Variants in MEGF9 observed in about 807,000 individuals in gnomAD.
The protein encoded by MEGF9 is multiple EGF like domains 9, also known as multiple epidermal growth factor-like domains protein 9.
Under a neutral mutation model 46.8 loss-of-function variants are expected in MEGF9, and 6 were observed. That is an observed-to-expected ratio of 0.13 (90% CI 0.07 to 0.25). MEGF9 has a LOEUF of 0.25. Among genes scored for constraint, MEGF9 ranks in the 10% least tolerant of loss-of-function variants. The probability of loss-of-function intolerance (pLI) is 1.00; values close to 1 mark genes in which losing one functional copy is unlikely to be tolerated. For missense variants in MEGF9, 683 were observed against 792.4 expected (o/e 0.86, Z 1.66); for synonymous variants, 302 against 330.7 (o/e 0.91, Z 0.94).
intron 3 of MEGF9, among the ~76,000 whole-genome samples, chr9:120,616,728 T>C (rs1209578640): frequency 1.3e-5 from 2 of 151,680 alleles, no homozygotes; most frequent in East Asian, 3.9e-4. Context: ...GTCAAATTTG[T>C]GTTCCATTTC....
chr9:120,697,832 A>C (rs549204332), intron 1 of MEGF9, among the ~76,000 whole-genome samples: 1 of 152,272 alleles, frequency 6.6e-6, no homozygotes, highest in East Asian at 1.9e-4. Context: ...CAGTGCTGAG[A>C]CAGAAAATGT....
intron 1 of MEGF9, among the ~76,000 whole-genome samples, chr9:120,701,145 T>A (rs1277018982): frequency 1.3e-5 from 2 of 151,140 alleles, no homozygotes; most frequent in East Asian, 3.9e-4. Context: ...AAAAACAATT[T>A]CCAAAATTAA....
At chr9:120,611,832 A>AAAGAAAGGAAGG (rs2043447051) in intron 4 of MEGF9, among the ~76,000 whole-genome samples, 2 of 139,262 alleles carry the variant, frequency 1.4e-5, no homozygotes, top group East Asian at 4.3e-4. Flanking sequence ...GAAAAGAAAG[A>AAAGAAAGGAAGG]AAGGAAGGAA....
chr9:120,619,237 C>T (rs1286320237), intron 3 of MEGF9, among the ~76,000 whole-genome samples: 1 of 152,088 alleles, frequency 6.6e-6, no homozygotes, highest in Admixed American at 6.5e-5. Flanking sequence ...ATCCCAGCTA[C>T]TTGGGAGGCT....
chr9:120,688,175 G>T (rs1001651130), intron 1 of MEGF9, among the ~76,000 whole-genome samples: 2 of 139,040 alleles, frequency 1.4e-5, no homozygotes, highest in East Asian at 2.1e-4. Flanking sequence ...ACACACGCAC[G>T]CACACACAAC....
chr9:120,638,757 A>G (rs1353482116), intron 2 of MEGF9, among the ~76,000 whole-genome samples: 1 of 152,200 alleles, frequency 6.6e-6, no homozygotes, highest in South Asian at 2.1e-4. Context: ...ATGAGATGGA[A>G]CATCTTTTCA....
intron 1 of MEGF9, among the ~76,000 whole-genome samples, chr9:120,711,869 A>ACACACC (rs1205420778): frequency 6.0e-5 from 9 of 149,834 alleles, no homozygotes; most frequent in African/African-American, 1.0e-4. Context: ...ACACACACAC[A>ACACACC]CACCCACAGG....
intron 1 of MEGF9, among the ~76,000 whole-genome samples, chr9:120,681,916 T>C (rs2043800259): frequency 6.6e-6 from 1 of 152,218 alleles, no homozygotes; most frequent in African/African-American, 2.4e-5. Flanking sequence ...TCTGAATCCG[T>C]TGTTTATAGC....
intron 2 of MEGF9, among the ~76,000 whole-genome samples, chr9:120,643,444 T>C (rs1365025464): frequency 1.3e-5 from 2 of 152,200 alleles, no homozygotes; most frequent in Admixed American, 6.5e-5. Context: ...CACAATGTCA[T>C]ACATCTAAAA....
chr9:120,678,135 A>C (rs1343612992), intron 1 of MEGF9, among the ~76,000 whole-genome samples: 3 of 152,180 alleles, frequency 2.0e-5, no homozygotes, highest in Non-Finnish European at 4.4e-5. Flanking sequence ...ATTCTGTTTT[A>C]TGGATGAATA....
chr9:120,691,739 G>C (rs921082198), intron 1 of MEGF9, among the ~76,000 whole-genome samples: 2 of 152,112 alleles, frequency 1.3e-5, no homozygotes, highest in African/African-American at 2.4e-5. Context: ...GATGGAGCTG[G>C]GATTGGAATC....
In MEGF9 at chr9:120,706,668, C is replaced by G. The variant is rs147474795; in HGVS notation, c.601+7090G>C. 3.5e-3 allele frequency among the ~76,000 whole-genome samples: 528 copies of G among 152,228 alleles called. 6 individuals are homozygous for G. The highest frequency in any genetic ancestry group is 0.012 in the African/African-American group (505 of 41,540). The stretch of plus-strand genomic sequence containing the variant: ...TGGGCAACATGGCAAAATCCCAACT[C>G]TACTAAAAATACAAAAACTAGCTAG... On this transcript the variant is annotated intron_variant, in intron 1 of 5. Transcript: ENST00000373930.
intron 1 of MEGF9, among the ~76,000 whole-genome samples, chr9:120,692,055 G>C (rs966647382): frequency 6.6e-6 from 1 of 152,096 alleles, no homozygotes; most frequent in African/African-American, 2.4e-5. Context: ...TTAAGGTAAG[G>C]ACTGAAAGTG....
chr9:120,699,407 T>C (rs904495686), intron 1 of MEGF9, among the ~76,000 whole-genome samples: 2 of 152,092 alleles, frequency 1.3e-5, no homozygotes, highest in Non-Finnish European at 2.9e-5. Flanking sequence ...AAAATGAACA[T>C]AGATTATTTT....
At chr9:120,619,472 G>A (rs865911953) in intron 3 of MEGF9, among the ~76,000 whole-genome samples, 1 of 152,138 alleles carries the variant, frequency 6.6e-6, no homozygotes, top group African/African-American at 2.4e-5. Context: ...TAATCTTCAC[G>A]ACAACCCACT....
At chr9:120,621,892 G>C (rs2043500872) in intron 3 of MEGF9, among the ~76,000 whole-genome samples, 1 of 142,256 alleles carries the variant, frequency 7.0e-6, no homozygotes, top group African/African-American at 3.1e-5. Context: ...ACTATTTCTT[G>C]GTCAGAGCCT....
intron 2 of MEGF9, among the ~76,000 whole-genome samples, chr9:120,645,198 G>C (rs539273762): frequency 6.6e-6 from 1 of 152,314 alleles, no homozygotes; most frequent in Admixed American, 6.5e-5. Flanking sequence ...GTTTGTTAGT[G>C]AAAAGATTCT....
At chr9:120,606,124 T>A (rs2043419491) in intron 5 of MEGF9, among the ~76,000 whole-genome samples, 1 of 146,256 alleles carries the variant, frequency 6.8e-6, no homozygotes, top group Non-Finnish European at 1.5e-5. Flanking sequence ...TGAGCTGAGA[T>A]CATGCCACTG....
rs2043412511 is a variant in MEGF9 at position 120,604,733 on chromosome 9, A to G, written c.*457T>C. On this transcript the variant is annotated 3_prime_UTR_variant, in exon 6 of 6. Coordinates refer to ENST00000373930, the MANE Select transcript of MEGF9 (RefSeq NM_001080497.3). Reference sequence around the variant, plus strand: ...ACAGCCTAGAAACAAGCTTTTCCTCAATGATGTCCTTTTGTATAGTAAAAC... The same window carrying G: ...ACAGCCTAGAAACAAGCTTTTCCTCGATGATGTCCTTTTGTATAGTAAAAC... The G allele has an allele frequency of 6.1e-6, 1 of 164,842 alleles. No individual in the cohort carries two copies. Among genetic ancestry groups the G allele is most frequent in the African/African-American group, 2.4e-5 (1 of 41,556 alleles). The allele number at this position is 164,842 out of a possible 1,614,324, so 10.2% of individuals were successfully genotyped here.
Sources: allele counts gnomAD v4.1 joint callset (sites outside exome capture counted in the v4.1 genomes callset), GRCh38; gene constraint gnomAD v4.1.1; transcripts MANE v1.5; gene names NCBI Gene and HGNC (gene_info 2026-07-23, HGNC 2026-07-21).